Variants in DDC observed in about 807,000 individuals in gnomAD.
The protein encoded by DDC is aromatic-L-amino-acid decarboxylase.
DDC carries 43 observed loss-of-function variants against 60.0 expected under a neutral mutation model. The observed-to-expected ratio is 0.72, with a 90% CI of 0.56 to 0.92. DDC has a LOEUF of 0.92. Ranked by LOEUF, DDC falls within the 40% of genes least tolerant of loss-of-function variation. DDC has a pLI of 0.00. For synonymous variants in DDC, 232 were observed against 234.6 expected, an observed-to-expected ratio of 0.99 and a Z score of 0.10; for missense variants, 573 against 620.2, an observed-to-expected ratio of 0.92 and a Z score of 0.81.
chr7:50,527,658 T>C (rs368240850), intron 6 of DDC: 1 of 179,362 alleles, frequency 5.6e-6, no homozygotes, highest in African/African-American at 2.4e-5. Flanking sequence ...TAAACACATA[T>C]AGGAACAAAC....
intron 6 of DDC, among the ~76,000 whole-genome samples, chr7:50,509,107 C>T (rs895271607): frequency 1.1e-4 from 16 of 152,070 alleles, no homozygotes; most frequent in African/African-American, 3.9e-4. Flanking sequence ...TGGGAACATA[C>T]CTGTCTTCCC....
chr7:50,490,992 A>C (rs1428533581), intron 9 of DDC, among the ~76,000 whole-genome samples: 1 of 152,184 alleles, frequency 6.6e-6, no homozygotes, highest in East Asian at 1.9e-4. Context: ...AGCCTTGCCT[A>C]ATGTTTGTCT....
intron 6 of DDC, among the ~76,000 whole-genome samples, chr7:50,519,616 T>A (rs1376155125): frequency 6.6e-6 from 1 of 152,144 alleles, no homozygotes; most frequent in African/African-American, 2.4e-5. Flanking sequence ...ATTGGACACA[T>A]TCTAAGTGAA....
chr7:50,487,498 T>A (rs1350684089), intron 9 of DDC, among the ~76,000 whole-genome samples: 1 of 152,146 alleles, frequency 6.6e-6, no homozygotes, highest in Non-Finnish European at 1.5e-5. Context: ...AAAACCACTG[T>A]TTCTATTTAA....
chr7:50,499,092 G>A, intron 8 of DDC, 56 bp downstream of exon 8: 1 of 1,310,182 alleles, frequency 7.6e-7, no homozygotes, highest in South Asian at 1.2e-5. Context: ...TGAAGGGAGA[G>A]GTCAATAACA....
intron 3 of DDC, among the ~76,000 whole-genome samples, chr7:50,539,474 G>A (rs2044535838): frequency 6.6e-6 from 1 of 152,140 alleles, no homozygotes; most frequent in South Asian, 2.1e-4. Flanking sequence ...CAAGGCTCTG[G>A]ACACATCTGA....
chr7:50,470,192 G>A (rs1333854578), intron 11 of DDC, 21 bp from the exon 12 acceptor site: 1 of 1,506,826 alleles, frequency 6.6e-7, no homozygotes, highest in East Asian at 2.3e-5. Context: ...ACATGAAACA[G>A]ACCATCAGTG....
intron 2 of DDC, among the ~76,000 whole-genome samples, chr7:50,540,322 A>G (rs912971496): frequency 1.3e-5 from 2 of 152,152 alleles, no homozygotes; most frequent in Non-Finnish European, 2.9e-5. Context: ...GAAAATCCTT[A>G]TCATTTTCCA....
Position 50,464,055 on chromosome 7 carries a change from G to A in DDC, c.1243-624C>T, listed in dbSNP as rs548929973. ...CCTGGGCCCTGCTTCCATAGCAGCCGGTCTTCTGACACTTCACCTCCATCT... is the reference window on the plus strand; with the variant it reads ...CCTGGGCCCTGCTTCCATAGCAGCCAGTCTTCTGACACTTCACCTCCATCT... On this transcript the variant is annotated intron_variant, in intron 13 of 14. Transcript: ENST00000444124. Among the ~76,000 whole-genome samples the A allele has an allele frequency of 1.7e-4, 26 of 151,962 alleles. No individual in the cohort carries two copies. In the East Asian group the frequency reaches 2.5e-3, roughly 15 times the overall value.
chr7:50,548,531 G>A (rs550245688), intron 1 of DDC, among the ~76,000 whole-genome samples: 33 of 152,264 alleles, frequency 2.2e-4, no homozygotes, highest in African/African-American at 6.3e-4. Flanking sequence ...AAGCCAAAGC[G>A]TAATCCAGAG....
chr7:50,507,381 G>A (rs1002530111), intron 6 of DDC, among the ~76,000 whole-genome samples: 3 of 152,026 alleles, frequency 2.0e-5, no homozygotes, highest in Admixed American at 6.6e-5. Context: ...GGGATTACAG[G>A]CACCACATCC....
chr7:50,516,947 A>C (rs2043749478), intron 6 of DDC, among the ~76,000 whole-genome samples: 1 of 152,194 alleles, frequency 6.6e-6, no homozygotes, highest in Non-Finnish European at 1.5e-5. Flanking sequence ...AAAAATTACC[A>C]ACAAAAAAAG....
intron 14 of DDC, among the ~76,000 whole-genome samples, chr7:50,461,728 T>C (rs1315405370): frequency 6.6e-6 from 1 of 152,244 alleles, no homozygotes; most frequent in Non-Finnish European, 1.5e-5. Flanking sequence ...TCACATAGTC[T>C]TATGCTGAGA....
At chr7:50,497,206 T>C (rs1287925091) in intron 8 of DDC, among the ~76,000 whole-genome samples, 1 of 109,722 alleles carries the variant, frequency 9.1e-6, no homozygotes, top group Admixed American at 1.1e-4. Context: ...CGCACAGCCC[T>C]CAGCTGGGCA....
At chr7:50,557,686 T>C (rs1006721770) in intron 1 of DDC, among the ~76,000 whole-genome samples, 5 of 152,252 alleles carry the variant, frequency 3.3e-5, no homozygotes, top group Non-Finnish European at 5.9e-5. Context: ...TTTGCTGTTA[T>C]GGGCAGCACC....
intron 6 of DDC, among the ~76,000 whole-genome samples, chr7:50,508,955 C>T (rs931994058): frequency 9.2e-5 from 14 of 152,202 alleles, no homozygotes; most frequent in African/African-American, 3.4e-4. Context: ...AGGCACCATG[C>T]CCAGAAGTAC....
intron 9 of DDC, among the ~76,000 whole-genome samples, chr7:50,488,309 A>T (rs2042928979): frequency 1.3e-5 from 2 of 152,012 alleles, no homozygotes; most frequent in Non-Finnish European, 2.9e-5. Flanking sequence ...TCTGAAAAAC[A>T]ATGTTTTCTT....
chr7:50,528,634 A>C (rs2044107850), intron 5 of DDC, among the ~76,000 whole-genome samples: 1 of 152,116 alleles, frequency 6.6e-6, no homozygotes, highest in Admixed American at 6.5e-5. Flanking sequence ...CCTAGGCTCA[A>C]ATCTGTGCCC....
chr7:50,525,897 TAA>T (rs764917817), intron 6 of DDC, among the ~76,000 whole-genome samples: 3 of 145,006 alleles, frequency 2.1e-5, no homozygotes, highest in Admixed American at 6.9e-5. Context: ...GCATGGAGAT[TAA>T]AAAAAAAAAG....
Sources: allele counts gnomAD v4.1 joint callset (sites outside exome capture counted in the v4.1 genomes callset), GRCh38; gene constraint gnomAD v4.1.1; transcripts MANE v1.5; gene names NCBI Gene and HGNC (gene_info 2026-07-23, HGNC 2026-07-21).